Variants in VGLL3 observed in about 807,000 individuals in gnomAD.
VGLL3 encodes transcription cofactor vestigial-like protein 3.
VGLL3 carries 18 observed loss-of-function variants against 29.2 expected under a neutral mutation model. That is an observed-to-expected ratio of 0.62 (90% CI 0.43 to 0.91). The LOEUF (loss-of-function observed/expected upper bound fraction) is 0.91, where lower values mean the gene tolerates loss of function less well. Among genes scored for constraint, VGLL3 ranks in the 40% least tolerant of loss-of-function variants. The pLI is 0.00. For synonymous variants in VGLL3, 180 were observed against 151.8 expected (o/e 1.19, Z -1.36); for missense variants, 440 against 413.2 (o/e 1.06, Z -0.56).
intron 2 of VGLL3, among the ~76,000 whole-genome samples, chr3:86,973,440 G>A (rs1705146113): frequency 6.6e-6 from 1 of 152,088 alleles, no homozygotes; most frequent in South Asian, 2.1e-4. Context: ...AAAATAAATG[G>A]CTGGGTCAGA....
At chr3:86,950,806 C>A (rs1035454465) in intron 3 of VGLL3, among the ~76,000 whole-genome samples, 17 of 152,188 alleles carry the variant, frequency 1.1e-4, no homozygotes, top group Non-Finnish European at 1.8e-4. Context: ...TTAAATTAAC[C>A]ACCACACCCC....
chr3:86,967,775 T>A (rs1704995221), intron 3 of VGLL3, among the ~76,000 whole-genome samples: 1 of 152,170 alleles, frequency 6.6e-6, no homozygotes, highest in African/African-American at 2.4e-5. Context: ...TTTCATGAGC[T>A]CAGAACTATG....
At position 86,939,626 on chromosome 3, in the gene VGLL3, CAAAACAAAACAAAACAAAACAAA is replaced by C. The variant is rs1704351041; in HGVS notation, c.*7375_*7397del. The C allele has an allele frequency of 6.6e-6, 1 of 152,606 alleles. No individual in the cohort carries two copies. The highest frequency in any genetic ancestry group is 2.4e-5 in the African/African-American group (1 of 41,354). 9.5% of individuals were successfully genotyped at this position (152,606 alleles called of 1,614,324 possible). On this transcript the variant is annotated 3_prime_UTR_variant, in exon 4 of 4. Transcript: ENST00000398399. ...ACGACAGAGCAAGACTCCATCAAAA[CAAAACAAAACAAAACAAAACAAA>C]AAAACAAAACAGAACAAAAACCTTG...
chr3:86,980,320 G>C (rs1234026316), intron 1 of VGLL3, among the ~76,000 whole-genome samples: 1 of 151,910 alleles, frequency 6.6e-6, no homozygotes, highest in Non-Finnish European at 1.5e-5. Context: ...TCAATAAATT[G>C]GTCCCTTTCC....
intron 1 of VGLL3, chr3:86,990,369 G>C: frequency 1.0e-6 from 1 of 985,374 alleles, no homozygotes; most frequent in Non-Finnish European, 1.2e-6. Context: ...TGCCTAGGAG[G>C]AGCAGCCTCT....
chr3:86,941,807 C>T lies in VGLL3; in HGVS notation c.*5217G>A, dbSNP rs563018293. On this transcript the variant is annotated 3_prime_UTR_variant, in exon 4 of 4. Transcript: ENST00000398399. ...TACAAGATTCAAAAGAAAAAAAAAA[C>T]CTGCTAAAAAATTCTAAATGTCTGT... 2 of 151,584 alleles carry T rather than the reference C, an allele frequency of 1.3e-5. No individual in the cohort carries two copies. Among genetic ancestry groups the T allele is most frequent in the Non-Finnish European group, 2.9e-5 (2 of 67,872 alleles). The allele number at this position is 151,584 out of a possible 1,614,324, so 9.4% of individuals were successfully genotyped here. A position where few individuals can be genotyped will look rare whatever the true frequency, so the allele number is the denominator to read the frequency against.
chr3:86,969,288 T>A (rs1350069090), intron 2 of VGLL3, among the ~76,000 whole-genome samples, 165 bp from the exon 3 acceptor site: 2 of 152,236 alleles, frequency 1.3e-5, no homozygotes, highest in Non-Finnish European at 2.9e-5. Flanking sequence ...CAGGTTGGCC[T>A]CTGGGCTCGC....
intron 2 of VGLL3, among the ~76,000 whole-genome samples, chr3:86,972,660 G>A (rs557834183): frequency 6.6e-6 from 1 of 152,118 alleles, no homozygotes; most frequent in East Asian, 1.9e-4. Context: ...AAACTGCATG[G>A]GCTATTTCTA....
chr3:86,949,763 C>T (rs1704578433), intron 3 of VGLL3, among the ~76,000 whole-genome samples: 1 of 148,654 alleles, frequency 6.7e-6, no homozygotes, highest in Non-Finnish European at 1.5e-5. Context: ...GGAGGCAGAG[C>T]TCACAGTGAG....
intron 3 of VGLL3, among the ~76,000 whole-genome samples, chr3:86,951,330 T>C (rs116254143): frequency 2.1e-4 from 32 of 152,256 alleles, no homozygotes; most frequent in African/African-American, 7.2e-4. Context: ...AAATCTAAGA[T>C]CAAGTTTTCT....
chr3:86,968,329 C>G (rs565112961), intron 3 of VGLL3, among the ~76,000 whole-genome samples: 9 of 152,140 alleles, frequency 5.9e-5, no homozygotes, highest in African/African-American at 2.2e-4. Context: ...CAGAAGGTAC[C>G]AGAGATTCCA....
In VGLL3 at chr3:86,968,611, G is replaced by T; in HGVS notation, c.916C>A (p.Pro306Thr). Residue 306 changes from proline to threonine, a missense_variant, in exon 3 of 4, where the codon CCC (proline) becomes ACC (threonine). By Grantham distance (38) the Pro-to-Thr change is conservative. Coordinates refer to ENST00000398399, the MANE Select transcript of VGLL3 (RefSeq NM_016206.4). ...TTACCTGTATCGAATCCCACGCTGG[G>T]CACTATGTCTACTGTTCCATGAAAG... ...GAFHGTVDIV[P>T]SVGFDTGLQH... 1 of 1,613,870 alleles carries T rather than the reference G, an allele frequency of 6.2e-7. No individual in the cohort carries two copies. Among genetic ancestry groups the T allele is most frequent in the Non-Finnish European group, 8.5e-7 (1 of 1,179,934 alleles).
intron 3 of VGLL3, among the ~76,000 whole-genome samples, chr3:86,951,359 T>C (rs1267990863): frequency 6.6e-6 from 1 of 152,182 alleles, no homozygotes; most frequent in Non-Finnish European, 1.5e-5. Flanking sequence ...GAGAGTGCCT[T>C]CTACTGTGTG....
intron 1 of VGLL3, 114 bp from the exon 2 acceptor site, chr3:86,978,916 C>CAGATGAAGAAGAATCAGTT: frequency 2.5e-6 from 3 of 1,190,312 alleles, no homozygotes; most frequent in Non-Finnish European, 3.4e-6. Flanking sequence ...TGTTTGCAAA[C>CAGATGAAGAAGAATCAGTT]TGATTCTTCT....
At chr3:86,962,030 T>TAG in intron 3 of VGLL3, 1 of 985,060 alleles carries the variant, frequency 1.0e-6, no homozygotes, top group Non-Finnish European at 1.2e-6. Context: ...GATCTTTTCT[T>TAG]TTTTCAATTA....
Position 86,939,941 on chromosome 3 carries a change from A to G in VGLL3, c.*7083T>C, listed in dbSNP as rs1188734783. 6.6e-6 allele frequency: 1 copy of G among 152,194 alleles called. No homozygotes were observed. Among genetic ancestry groups the G allele is most frequent in the African/African-American group, 2.4e-5 (1 of 41,448 alleles). 9.4% of individuals were successfully genotyped at this position (152,194 alleles called of 1,614,324 possible). ...GATCTTTGCTGAATGTCTGACTGAC[A>G]GAGCTGTAAGATAATAAATTTGTGT... On this transcript the variant is annotated 3_prime_UTR_variant, in exon 4 of 4. Transcript: ENST00000398399.
chr3:86,990,524 C>A, intron 1 of VGLL3, 94 bp downstream of exon 1: 1 of 1,297,784 alleles, frequency 7.7e-7, no homozygotes, highest in Non-Finnish European at 9.9e-7. Context: ...ATCCTCTGCG[C>A]CACGCGTGCC....
In VGLL3 at chr3:86,943,076, T is replaced by C. The variant is rs1482131096; in HGVS notation, c.*3948A>G. On this transcript the variant is annotated 3_prime_UTR_variant, in exon 4 of 4. Transcript: ENST00000398399. ...AGCCTGCCTGTTAGGTATTATTCCATTTTACTCATGAGATAAATAAATGAA... is the reference window on the plus strand; with the variant it reads ...AGCCTGCCTGTTAGGTATTATTCCACTTTACTCATGAGATAAATAAATGAA... 1.3e-5 allele frequency: 2 copies of C among 152,086 alleles called. No homozygotes were observed. Among genetic ancestry groups the C allele is most frequent in the African/African-American group, 4.8e-5 (2 of 41,420 alleles). The allele number at this position is 152,086 out of a possible 1,614,324, so 9.4% of individuals were successfully genotyped here. A position where few individuals can be genotyped will look rare whatever the true frequency, so the allele number is the denominator to read the frequency against.
Position 86,990,628 on chromosome 3 carries a change from G to C in VGLL3, c.116C>G (p.Pro39Arg). 7.3e-7 allele frequency: 1 copy of C among 1,363,694 alleles called. No individual in the cohort carries two copies. Among genetic ancestry groups the C allele is most frequent in the Non-Finnish European group, 9.5e-7 (1 of 1,049,490 alleles). The allele number at this position is 1,363,694 out of a possible 1,614,324, so 84.5% of individuals were successfully genotyped here. Residue 39 changes from proline to arginine, a missense_variant, in exon 1 of 4, where the codon CCT becomes CGT. By Grantham distance (103) the Pro-to-Arg change is moderately radical. Coordinates refer to ENST00000398399, the MANE Select transcript of VGLL3 (RefSeq NM_016206.4). ...PTAYYQPAPQ[P>R]GQQKKLAVFS... ...CGTCCGGTGACTCACCTGCTGGCCAGGTTGGGGCGCCGGCTGATAGTAGGC... is the reference window on the plus strand; with the variant it reads ...CGTCCGGTGACTCACCTGCTGGCCACGTTGGGGCGCCGGCTGATAGTAGGC...
Sources: gnomAD v4.1 joint callset for allele counts (sites outside exome capture counted in the v4.1 genomes callset) on GRCh38, gnomAD v4.1.1 for gene constraint, MANE v1.5 for transcripts, NCBI Gene and HGNC (gene_info 2026-07-23, HGNC 2026-07-21) for gene names.